FCGR3A: variants seen among roughly 807,000 people sequenced by gnomAD.
The protein encoded by FCGR3A is Fc gamma receptor IIIa.
In FCGR3A, 13 loss-of-function variants were observed where a neutral mutation model predicts 24.1. That is an observed-to-expected ratio of 0.54 (90% CI 0.35 to 0.86). The LOEUF (loss-of-function observed/expected upper bound fraction) is 0.86, where lower values mean the gene tolerates loss of function less well. FCGR3A is among the 40% of genes least tolerant of loss of function. FCGR3A has a pLI of 0.01. For missense variants in FCGR3A, 235 were observed against 298.0 expected, an observed-to-expected ratio of 0.79 and a Z score of 1.56; for synonymous variants, 93 against 112.2, an observed-to-expected ratio of 0.83 and a Z score of 1.08.
chr1:161,543,777 C>T (rs1427635717), intron 4 of FCGR3A, among the ~76,000 whole-genome samples: 12 of 152,266 alleles, frequency 7.9e-5, no homozygotes, highest in African/African-American at 2.9e-4. Context: ...GTCAAAATCT[C>T]AAAAGGTGTT....
At chr1:161,547,370 A>G (rs866581722) in intron 3 of FCGR3A, among the ~76,000 whole-genome samples, 2 of 152,022 alleles carry the variant, frequency 1.3e-5, no homozygotes, top group African/African-American at 4.8e-5. Context: ...AGCTTGTTCC[A>G]CCCATAAACA....
At chr1:161,546,319 T>G (rs1236312716) in intron 3 of FCGR3A, among the ~76,000 whole-genome samples, 5 of 152,046 alleles carry the variant, frequency 3.3e-5, no homozygotes, top group African/African-American at 1.2e-4. Context: ...CTGGTGGCCT[T>G]TGGAGGAACA....
rs10127939 is a variant in FCGR3A, at chr1:161,548,543, A to T, written c.197T>A (p.Leu66His). The stretch of plus-strand genomic sequence containing the variant: ...GTAGCTCGAGGCCTGGCTTGAGATG[A>T]GGCTCTCATTGTGAAACCACTGTGT... Reference protein sequence around the residue: ...NSTQWFHNESLISSQASSYFI... With the variant: ...NSTQWFHNESHISSQASSYFI... Residue 66 changes from leucine (L) to histidine (H), a missense_variant, in exon 3 of 5, where the codon CTC becomes CAC. Physicochemically the swap from Leu to His is moderately conservative, Grantham distance 99. Coordinates refer to ENST00000443193, the MANE Select transcript of FCGR3A (RefSeq NM_000569.8). The T allele has an allele frequency of 0.064, 103,887 of 1,612,026 alleles. 732 individuals carry two copies. Among genetic ancestry groups the T allele is most frequent in the Non-Finnish European group, 0.073 (86,333 of 1,178,264 alleles).
chr1:161,547,543 G>T (rs181491489), intron 3 of FCGR3A, among the ~76,000 whole-genome samples: 1 of 152,292 alleles, frequency 6.6e-6, no homozygotes, highest in Admixed American at 6.5e-5. Context: ...TAGTACACAA[G>T]AACTTTCATG....
In FCGR3A at chr1:161,548,489, C is replaced by T. The variant is rs755119939; in HGVS notation, c.251G>A (p.Ser84Asn). ...YFIDAATVDD[S>N]GEYRCQTNLS... The stretch of plus-strand genomic sequence containing the variant: ...GTTTGTCTGGCACCTGTACTCTCCA[C>T]TGTCGTCGACTGTGGCAGCGTCAAT... The change falls in exon 3 of 5, where the codon AGT becomes AAT. Residue 84 changes from serine to asparagine, a missense_variant. By Grantham distance (46) the Ser-to-Asn change is conservative. Transcript: ENST00000443193. 1 of 1,614,034 alleles carries T rather than the reference C, an allele frequency of 6.2e-7. No homozygotes were observed. Among genetic ancestry groups the T allele is most frequent in the Non-Finnish European group, 8.5e-7 (1 of 1,179,868 alleles).
rs1557852472 is a variant in FCGR3A at position 161,543,382 on chromosome 1, G to A, written c.578-183C>T. Among the ~76,000 whole-genome samples the A allele has an allele frequency of 2.6e-5, 4 of 152,132 alleles. 1 individual carries two copies. The highest frequency in any genetic ancestry group is 2.6e-4 in the Admixed American group (4 of 15,266). On this transcript the variant is annotated intron_variant, in intron 4 of 4. Transcript: ENST00000443193. Reference sequence around the variant, plus strand: ...TTGGTTCCTGATCTTAGTGCTATCTGAGCAGAGGACAGCTCACCAAACACT... The same window carrying A: ...TTGGTTCCTGATCTTAGTGCTATCTAAGCAGAGGACAGCTCACCAAACACT...
chr1:161,542,929 C>T lies in FCGR3A; in HGVS notation c.*83G>A, dbSNP rs1389016667. ...ATGTTTCCTGCTGCTTGTAGAGAGGCCTGAGGATGATGGGGTTGCAAATCC... is the reference window on the plus strand; with the variant it reads ...ATGTTTCCTGCTGCTTGTAGAGAGGTCTGAGGATGATGGGGTTGCAAATCC... On this transcript the variant is annotated 3_prime_UTR_variant, in exon 5 of 5. Coordinates refer to ENST00000443193, the MANE Select transcript of FCGR3A (RefSeq NM_000569.8). The T allele has an allele frequency of 1.1e-5, 12 of 1,064,144 alleles. No individual in the cohort carries two copies. The highest frequency in any genetic ancestry group is 2.2e-5 in the Admixed American group (1 of 45,088). 65.9% of individuals were successfully genotyped at this position (1,064,144 alleles called of 1,614,324 possible). A position where few individuals can be genotyped will look rare whatever the true frequency, so the allele number is the denominator to read the frequency against.
chr1:161,542,814 G>A lies in FCGR3A; in HGVS notation c.*198C>T. On this transcript the variant is annotated 3_prime_UTR_variant, in exon 5 of 5. Coordinates refer to ENST00000443193, the MANE Select transcript of FCGR3A (RefSeq NM_000569.8). ...TCTAGGAATGCAGCTACTCACTGGG[G>A]CTTCCCTGCTTGAAGATCATGGGCT... The A allele has an allele frequency of 2.1e-6, 1 of 485,404 alleles. No individual in the cohort carries two copies. Among genetic ancestry groups the A allele is most frequent in the East Asian group, 3.1e-5 (1 of 31,954 alleles). The allele number at this position is 485,404 out of a possible 1,614,324, so 30.1% of individuals were successfully genotyped here. A position where few individuals can be genotyped will look rare whatever the true frequency, so the allele number is the denominator to read the frequency against.
chr1:161,546,926 C>CACAA (rs961756989), intron 3 of FCGR3A, among the ~76,000 whole-genome samples: 8 of 151,756 alleles, frequency 5.3e-5, no homozygotes, highest in African/African-American at 1.2e-4. Flanking sequence ...CAAAAACAAA[C>CACAA]ACAAACAAAC....
intron 3 of FCGR3A, chr1:161,545,914 A>G (rs1171002165): frequency 1.3e-5 from 2 of 152,134 alleles, no homozygotes; most frequent in Non-Finnish European, 2.9e-5. Context: ...AAAGAAGGAT[A>G]TGCACTTACA....
rs1677646476 is a variant in FCGR3A, at chr1:161,549,635, G to C, written c.40+62C>G. 1.9e-6 allele frequency: 3 copies of C among 1,601,764 alleles called. No individual in the cohort carries two copies. In the South Asian group the frequency reaches 3.4e-5, roughly 18 times the overall value. Reference sequence around the variant, plus strand: ...GGAGTCTCATTCGTAGCCTGAAAAGGGGTCTCTGCTGAACCCAAGGCATCT... The same window carrying C: ...GGAGTCTCATTCGTAGCCTGAAAAGCGGTCTCTGCTGAACCCAAGGCATCT... On this transcript the variant is annotated intron_variant, in intron 1 of 4. Transcript: ENST00000443193.
rs1339024503 is a variant in FCGR3A at position 161,548,526 on chromosome 1, A to C, written c.214T>G (p.Ser72Ala). The change falls in exon 3 of 5, where the codon TCG becomes GCG. Residue 72 changes from serine (S) to alanine (A), a missense_variant. Physicochemically the swap from Ser to Ala is moderately conservative, Grantham distance 99. Coordinates refer to ENST00000443193, the MANE Select transcript of FCGR3A (RefSeq NM_000569.8). ...HNESLISSQA[S>A]SYFIDAATVD... is the part of the protein sequence containing the mutation. Reference sequence around the variant, plus strand: ...GTGGCAGCGTCAATGAAGTAGCTCGAGGCCTGGCTTGAGATGAGGCTCTCA... The same window carrying C: ...GTGGCAGCGTCAATGAAGTAGCTCGCGGCCTGGCTTGAGATGAGGCTCTCA... 6.2e-7 allele frequency: 1 copy of C among 1,613,906 alleles called. No individual in the cohort carries two copies. Among genetic ancestry groups the C allele is most frequent in the East Asian group, 2.2e-5 (1 of 44,906 alleles).
upstream of FCGR3A, chr1:161,550,551 C>T (rs1572026845): frequency 6.6e-6 from 1 of 152,598 alleles, no homozygotes; most frequent in East Asian, 1.9e-4. Context: ...TTACCCAGGT[C>T]CTGCGGATTT....
chr1:161,545,035 C>T, intron 3 of FCGR3A, 77 bp from the exon 4 acceptor site: 1 of 1,568,524 alleles, frequency 6.4e-7, no homozygotes, highest in South Asian at 1.2e-5. Flanking sequence ...CACGTACCAC[C>T]CAGATCCTGA....
chr1:161,545,948 G>A (rs1295066263), intron 3 of FCGR3A, among the ~76,000 whole-genome samples: 1 of 152,064 alleles, frequency 6.6e-6, no homozygotes, highest in Non-Finnish European at 1.5e-5. Flanking sequence ...TTTCTCTGAA[G>A]GAGTGGGACT....
At chr1:161,546,221 C>T (rs6672453) in intron 3 of FCGR3A, among the ~76,000 whole-genome samples, 1 of 151,908 alleles carries the variant, frequency 6.6e-6, no homozygotes, top group African/African-American at 2.4e-5. Flanking sequence ...TATCATTTAT[C>T]AAAAGAAGCC....
rs1416160164 is a variant in FCGR3A at position 161,544,722 on chromosome 1, C to T, written c.556G>A (p.Val186Met). The change falls in exon 4 of 5, where the codon GTG (valine) becomes ATG (methionine). Residue 186 changes from valine to methionine, a missense_variant. Val to Met is a conservative substitution (Grantham distance 21). Coordinates refer to ENST00000443193, the MANE Select transcript of FCGR3A (RefSeq NM_000569.8). Reference protein sequence around the residue: ...FGSKNVSSETVNITITQGLAV... With the variant: ...FGSKNVSSETMNITITQGLAV... ...TCACCTTGAGTGATGGTGATGTTCA[C>T]AGTCTCTGAAGACACATTTTTACTC... The T allele has an allele frequency of 1.9e-6, 3 of 1,611,356 alleles. No homozygotes were observed. Among genetic ancestry groups the T allele is most frequent in the Middle Eastern group, 1.7e-4 (1 of 6,010 alleles).
rs1317230218 is a variant in FCGR3A at position 161,548,435 on chromosome 1, A to G, written c.305T>C (p.Leu102Pro). Residue 102 changes from leucine (L) to proline (P), a missense_variant, in exon 3 of 5, where the codon CTA becomes CCA. By Grantham distance (98) the Leu-to-Pro change is moderately conservative (BLOSUM62 -3). Transcript: ENST00000443193. ...CATCAACTCACCGATATGGACTTCT[A>G]GCTGCACCGGGTCACTGAGGGTGGA... Reference protein sequence around the residue: ...NLSTLSDPVQLEVHIGWLLLQ... With the variant: ...NLSTLSDPVQPEVHIGWLLLQ... 6.2e-6 allele frequency: 10 copies of G among 1,614,018 alleles called. No homozygotes were observed. In the East Asian group the frequency reaches 2.2e-4, roughly 36 times the overall value.
At chr1:161,544,180 C>T (rs958417388) in intron 4 of FCGR3A, among the ~76,000 whole-genome samples, 3 of 151,592 alleles carry the variant, frequency 2.0e-5, no homozygotes, top group African/African-American at 7.3e-5. Context: ...GAAAGGTGCC[C>T]AATAAATGTC....
Sources: allele counts gnomAD v4.1 joint callset (sites outside exome capture counted in the v4.1 genomes callset), GRCh38; gene constraint gnomAD v4.1.1; transcripts MANE v1.5; gene names NCBI Gene and HGNC (gene_info 2026-07-23, HGNC 2026-07-21).